The following RAB31 variants were observed in gnomAD, a reference collection of about 807,000 sequenced individuals.
The protein encoded by RAB31 is ras-related protein Rab-31.
Under a neutral mutation model 25.6 loss-of-function variants are expected in RAB31, and 21 were observed. The observed-to-expected ratio is 0.82, with a 90% CI of 0.58 to 1.18. The LOEUF (loss-of-function observed/expected upper bound fraction) is 1.18, where lower values mean the gene tolerates loss of function less well. RAB31 is among the 50% of genes most tolerant of loss of function. RAB31 has a pLI of 0.00. For synonymous variants in RAB31, 87 were observed against 84.0 expected (o/e 1.04, Z -0.20); for missense variants, 196 against 250.1 (o/e 0.78, Z 1.46).
chr18:9,834,537 G>T (rs969055276), intron 5 of RAB31, among the ~76,000 whole-genome samples: 2 of 152,176 alleles, frequency 1.3e-5, no homozygotes, highest in Admixed American at 6.5e-5. Context: ...GTGACAATTA[G>T]CAATAAATTT....
intron 6 of RAB31, among the ~76,000 whole-genome samples, chr18:9,855,043 A>G (rs2068808664): frequency 6.6e-6 from 1 of 152,242 alleles, no homozygotes; most frequent in Non-Finnish European, 1.5e-5. Flanking sequence ...GCGCTTGCGC[A>G]GGAAATGGCT....
chr18:9,753,312 A>T (rs540770548), intron 1 of RAB31, among the ~76,000 whole-genome samples: 4 of 152,212 alleles, frequency 2.6e-5, no homozygotes, highest in Non-Finnish European at 5.9e-5. Context: ...CCATGACAGG[A>T]GTGGTATTAA....
rs1363383466 is a variant in RAB31, at chr18:9,822,483, T to G, written c.380+7261T>G. On this transcript the variant is annotated intron_variant, in intron 5 of 6. Transcript: ENST00000578921. ...TAGACACCCTTAAAATTTAAAAACT[T>G]AAAAATATTTGCTCTGTGAAATATT... Among the ~76,000 whole-genome samples, 4 of 152,230 alleles carry G rather than the reference T, an allele frequency of 2.6e-5. No individual in the cohort carries two copies. The East Asian group carries it at 7.7e-4, about 29-fold the overall frequency.
At chr18:9,796,136 C>G (rs2068486015) in intron 3 of RAB31, among the ~76,000 whole-genome samples, 1 of 152,132 alleles carries the variant, frequency 6.6e-6, no homozygotes, top group Admixed American at 6.5e-5. Flanking sequence ...AAGTAACATA[C>G]TAAACATCGT....
chr18:9,764,231 C>T (rs2068302981), intron 1 of RAB31, among the ~76,000 whole-genome samples: 1 of 152,172 alleles, frequency 6.6e-6, no homozygotes, highest in South Asian at 2.1e-4. Flanking sequence ...TAACCTCCTG[C>T]CTTTGATTCC....
At chr18:9,714,603 T>C (rs559717968) in intron 1 of RAB31, among the ~76,000 whole-genome samples, 1 of 152,354 alleles carries the variant, frequency 6.6e-6, no homozygotes, top group African/African-American at 2.4e-5. Flanking sequence ...AGATAACGCT[T>C]ATTTGGTGTT....
At chr18:9,824,435 A>AT (rs1207800255) in intron 5 of RAB31, among the ~76,000 whole-genome samples, 1 of 141,844 alleles carries the variant, frequency 7.1e-6, no homozygotes, top group Non-Finnish European at 1.5e-5. Flanking sequence ...TGTGTGTATG[A>AT]GTGTGTGTGT....
chr18:9,799,362 C>T (rs909152449), intron 3 of RAB31, among the ~76,000 whole-genome samples: 4 of 152,262 alleles, frequency 2.6e-5, no homozygotes, highest in African/African-American at 7.2e-5. Context: ...GTCCTACTTA[C>T]TGCCCAGTAA....
chr18:9,719,269 CAAAAAAAAAAAAA>C (rs56291796), intron 1 of RAB31, among the ~76,000 whole-genome samples: 5 of 21,442 alleles, frequency 2.3e-4, no homozygotes, highest in East Asian at 3.1e-3. Flanking sequence ...GACTCTGTCT[CAAAAAAAAAAAAA>C]AAAAAAAAAA....
intron 1 of RAB31, among the ~76,000 whole-genome samples, chr18:9,724,017 CATT>C (rs1173314781): frequency 2.6e-5 from 4 of 152,058 alleles, no homozygotes; most frequent in African/African-American, 9.7e-5. Context: ...ATTTAAAAAA[CATT>C]ATTCACTTTG....
At chr18:9,718,176 G>A (rs1367576358) in intron 1 of RAB31, among the ~76,000 whole-genome samples, 1 of 151,238 alleles carries the variant, frequency 6.6e-6, no homozygotes, top group Non-Finnish European at 1.5e-5. Context: ...GGATTAGAAA[G>A]TGTTTTTTAA....
At chr18:9,784,974 A>G (rs2068424527) in intron 2 of RAB31, 1 of 152,244 alleles carries the variant, frequency 6.6e-6, no homozygotes, top group African/African-American at 2.4e-5. Context: ...TTATGTTAAA[A>G]TAGAGCGTCC....
At chr18:9,858,813 A>G (rs1490301919) in intron 6 of RAB31, among the ~76,000 whole-genome samples, 2 of 152,202 alleles carry the variant, frequency 1.3e-5, no homozygotes, top group Non-Finnish European at 2.9e-5. Flanking sequence ...ATGGATGAGT[A>G]CTCACTGTTA....
intron 3 of RAB31, among the ~76,000 whole-genome samples, chr18:9,800,566 C>G (rs1326368646): frequency 6.6e-6 from 1 of 152,188 alleles, no homozygotes; most frequent in African/African-American, 2.4e-5. Flanking sequence ...AGTTCTTTCC[C>G]TGACCCCCTT....
At chr18:9,810,094 C>T (rs1053433962) in intron 3 of RAB31, among the ~76,000 whole-genome samples, 4 of 152,230 alleles carry the variant, frequency 2.6e-5, no homozygotes, top group African/African-American at 9.6e-5. Context: ...TCACAGTTCC[C>T]TGTGCCGTTT....
rs552108263 is a variant in RAB31 at position 9,832,313 on chromosome 18, C to T, written c.381-13269C>T. ...AGGGTTCAGAAGGAAATGAGCAGGT[C>T]TTCCCATCAGGGCCCAGATGAGCTT... is the stretch of plus-strand genomic sequence containing the variant. On this transcript the variant is annotated intron_variant, in intron 5 of 6. Coordinates refer to ENST00000578921, the MANE Select transcript of RAB31 (RefSeq NM_006868.4). Among the ~76,000 whole-genome samples the T allele has an allele frequency of 3.3e-5, 5 of 152,304 alleles. No individual in the cohort carries two copies. In the South Asian group the frequency reaches 1.0e-3, roughly 32 times the overall value.
chr18:9,718,384 C>G (rs1301441366), intron 1 of RAB31, among the ~76,000 whole-genome samples: 1 of 152,110 alleles, frequency 6.6e-6, no homozygotes, highest in Non-Finnish European at 1.5e-5. Context: ...GTCAGCCTCC[C>G]AAGTAGCTGG....
At position 9,708,659 on chromosome 18, in the gene RAB31, G is replaced by C. The variant is rs2067999149; in HGVS notation, c.39+215G>C. ...TCGCTCTCCGCGCCCCTCGCTCTCC[G>C]CACCCCGCCTGTTCTCCGCCTCCCC... On this transcript the variant is annotated intron_variant, in intron 1 of 6. Coordinates refer to ENST00000578921, the MANE Select transcript of RAB31 (RefSeq NM_006868.4). This position sits in a 1 kb window ranked among gnomAD's most constrained non-coding sequence, Gnocchi z 6.4. Among the ~76,000 whole-genome samples, 1 of 151,106 alleles carries C rather than the reference G, an allele frequency of 6.6e-6. No individual in the cohort carries two copies. Among genetic ancestry groups the C allele is most frequent in the Non-Finnish European group, 1.5e-5 (1 of 67,762 alleles).
chr18:9,808,446 T>C (rs2068553453), intron 3 of RAB31, among the ~76,000 whole-genome samples: 2 of 152,218 alleles, frequency 1.3e-5, no homozygotes, highest in African/African-American at 4.8e-5. Context: ...AGTAGGCATA[T>C]TAACTAGGCC....
Sources: gnomAD v4.1 joint callset for allele counts (sites outside exome capture counted in the v4.1 genomes callset) on GRCh38, gnomAD v4.1.1 for gene constraint, Gnocchi (gnomAD v3.1) non-coding constraint, MANE v1.5 for transcripts, NCBI Gene and HGNC (gene_info 2026-07-23, HGNC 2026-07-21) for gene names.